ATF7IP2: variants seen among roughly 807,000 people sequenced by gnomAD.
ATF7IP2 encodes activating transcription factor 7 interacting protein 2.
ATF7IP2 carries 42 observed loss-of-function variants against 64.2 expected under a neutral mutation model. That is an observed-to-expected ratio of 0.65 (90% CI 0.51 to 0.85). ATF7IP2 has a LOEUF of 0.85. ATF7IP2 is among the 40% of genes least tolerant of loss of function. The pLI is 0.00. For synonymous variants in ATF7IP2, 308 were observed against 272.8 expected, an observed-to-expected ratio of 1.13 and a Z score of -1.27; for missense variants, 933 against 784.2, an observed-to-expected ratio of 1.19 and a Z score of -2.27.
chr16:10,479,541 A>T (rs1259082762), intron 12 of ATF7IP2, among the ~76,000 whole-genome samples: 2 of 152,048 alleles, frequency 1.3e-5, no homozygotes, highest in Non-Finnish European at 2.9e-5. Context: ...TAGGAGATAT[A>T]CCTAATGCTA....
At chr16:10,480,803 G>GTAAAC in intron 12 of ATF7IP2, 76 bp from the exon 13 acceptor site, 1 of 970,442 alleles carries the variant, frequency 1.0e-6, no homozygotes, top group Admixed American at 1.9e-5. Flanking sequence ...CACCAAAGAT[G>GTAAAC]TAAACTATAG....
chr16:10,428,386 A>G (rs2048135267), intron 3 of ATF7IP2, among the ~76,000 whole-genome samples: 1 of 152,240 alleles, frequency 6.6e-6, no homozygotes, highest in African/African-American at 2.4e-5. Flanking sequence ...TAGAAGGGCC[A>G]TAGTAACAAT....
At chr16:10,432,838 A>G (rs1033518635) in intron 5 of ATF7IP2, among the ~76,000 whole-genome samples, 9 of 152,100 alleles carry the variant, frequency 5.9e-5, no homozygotes, top group Admixed American at 5.9e-4. Context: ...AGATCGTGCC[A>G]CTTCACTCTT....
At chr16:10,442,519 G>C (rs956758397) in intron 8 of ATF7IP2, among the ~76,000 whole-genome samples, 5 of 152,132 alleles carry the variant, frequency 3.3e-5, no homozygotes, top group African/African-American at 1.2e-4. Flanking sequence ...ATAATTGCAA[G>C]GGAAGTAAAA....
intron 6 of ATF7IP2, 50 bp from the exon 7 acceptor site, chr16:10,438,051 C>T (rs761103765): frequency 7.0e-7 from 1 of 1,422,484 alleles, no homozygotes; most frequent in Non-Finnish European, 9.3e-7. Flanking sequence ...AGTAAAATTG[C>T]TTTTAAATTT....
At position 10,426,852 on chromosome 16, in the gene ATF7IP2, T is replaced by G. The variant is rs144067350; in HGVS notation, c.-159-2016T>G. On this transcript the variant is annotated intron_variant, in intron 3 of 13. Coordinates refer to ENST00000562102, the MANE Select transcript of ATF7IP2 (RefSeq NM_001393719.1). ...ATATGTTTTTGGTTTTTGGTTTTTT[T>G]TTGTTGTTGTTTTTTTTTAAGACAG... Among the ~76,000 whole-genome samples the G allele has an allele frequency of 3.7e-3, 570 of 152,198 alleles. 5 individuals carry two copies. Among genetic ancestry groups the G allele is most frequent in the African/African-American group, 0.012 (499 of 41,534 alleles).
At chr16:10,473,637 T>A (rs2049889629) in intron 11 of ATF7IP2, 103 bp downstream of exon 11, 1 of 839,580 alleles carries the variant, frequency 1.2e-6, no homozygotes, top group Non-Finnish European at 1.9e-6. Context: ...TAGTCCACGT[T>A]ACACACTGAA....
At chr16:10,407,084 C>T (rs1011824341) in intron 1 of ATF7IP2, among the ~76,000 whole-genome samples, 2 of 152,176 alleles carry the variant, frequency 1.3e-5, no homozygotes, top group African/African-American at 4.8e-5. Context: ...CATGTGCTAG[C>T]TATCAATGTG....
chr16:10,475,039 C>G (rs1362455373), intron 12 of ATF7IP2, among the ~76,000 whole-genome samples: 1 of 151,980 alleles, frequency 6.6e-6, no homozygotes, highest in Non-Finnish European at 1.5e-5. Flanking sequence ...ATAAATAAAG[C>G]AAAATTAAAA....
In ATF7IP2 at chr16:10,473,958, G is replaced by A; in HGVS notation, c.1518G>A (p.Leu506=). 2 of 1,479,304 alleles carry A rather than the reference G, an allele frequency of 1.4e-6. No individual in the cohort carries two copies. The highest frequency in any genetic ancestry group is 5.3e-5 in the East Asian group (2 of 37,744). 91.6% of individuals were successfully genotyped at this position (1,479,304 alleles called of 1,614,324 possible). A position where few individuals can be genotyped will look rare whatever the true frequency, so the allele number is the denominator to read the frequency against. Residue 506 remains leucine, a synonymous_variant, in exon 12 of 14, where the codon TTG becomes TTA. Coordinates refer to ENST00000562102, the MANE Select transcript of ATF7IP2 (RefSeq NM_001393719.1). ...VQKKLDSIID[L]TKEGLSNCNT... is the part of the protein sequence containing the mutation. ...AGAAACTTGATTCTATAATTGATTTGACAAAAGAAGGCCTATCCAACTGCA... is the reference window on the plus strand; with the variant it reads ...AGAAACTTGATTCTATAATTGATTTAACAAAAGAAGGCCTATCCAACTGCA...
At chr16:10,401,919 G>C (rs540673183) in intron 1 of ATF7IP2, among the ~76,000 whole-genome samples, 1 of 152,036 alleles carries the variant, frequency 6.6e-6, no homozygotes, top group South Asian at 2.1e-4. Context: ...AATAGTCTCT[G>C]TTGTTGTTTT....
intron 5 of ATF7IP2, among the ~76,000 whole-genome samples, chr16:10,431,965 A>G (rs1236985250): frequency 6.7e-6 from 1 of 150,296 alleles, no homozygotes; most frequent in Non-Finnish European, 1.5e-5. Context: ...GTGGGATTAC[A>G]GATGGGCACC....
At chr16:10,469,042 C>A (rs975853435) in intron 9 of ATF7IP2, among the ~76,000 whole-genome samples, 3 of 152,156 alleles carry the variant, frequency 2.0e-5, no homozygotes, top group Admixed American at 1.3e-4. Flanking sequence ...GTCTAACACT[C>A]TTCTGAAGAA....
intron 4 of ATF7IP2, among the ~76,000 whole-genome samples, chr16:10,429,335 G>A (rs1227930962): frequency 6.6e-6 from 1 of 152,066 alleles, no homozygotes; most frequent in African/African-American, 2.4e-5. Flanking sequence ...GATTTATTTA[G>A]TATATATATC....
chr16:10,457,305 A>T (rs1293313280), intron 8 of ATF7IP2, 67 bp from the exon 9 acceptor site: 4 of 1,389,722 alleles, frequency 2.9e-6, no homozygotes, highest in Non-Finnish European at 3.9e-6. Context: ...TGAAAATGCT[A>T]ATTTTGTTTG....
chr16:10,389,249 T>C (rs1004844421), intron 1 of ATF7IP2, among the ~76,000 whole-genome samples: 2 of 152,136 alleles, frequency 1.3e-5, no homozygotes. Context: ...GTAGTCATGG[T>C]AGTCTATCTG....
chr16:10,394,464 G>A (rs2047386011), intron 1 of ATF7IP2, among the ~76,000 whole-genome samples: 1 of 152,178 alleles, frequency 6.6e-6, no homozygotes, highest in Non-Finnish European at 1.5e-5. Context: ...CTGTCATAAT[G>A]GATAGAAAAC....
Position 10,431,152 on chromosome 16 carries a change from G to T in ATF7IP2, c.532G>T (p.Val178Phe), listed in dbSNP as rs2048234880. The T allele has an allele frequency of 1.2e-6, 2 of 1,614,062 alleles. No individual in the cohort carries two copies. The highest frequency in any genetic ancestry group is 2.7e-5 in the African/African-American group (2 of 75,046). ...TCCACCCAGTGTATTGAGTGGTGTT[G>T]TTCAGATGCCAGAGTCTACAGTAAC... ...CCPPSVLSGVVQMPESTVTST... is the reference protein window; with the variant it reads ...CCPPSVLSGVFQMPESTVTST... Residue 178 changes from valine (V) to phenylalanine (F), a missense_variant, in exon 5 of 14, where the codon GTT (valine) becomes TTT (phenylalanine). Physicochemically the swap from Val to Phe is conservative, Grantham distance 50. Transcript: ENST00000562102.
At chr16:10,428,228 C>T (rs943216032) in intron 3 of ATF7IP2, among the ~76,000 whole-genome samples, 1 of 152,100 alleles carries the variant, frequency 6.6e-6, no homozygotes, top group Non-Finnish European at 1.5e-5. Context: ...TTATTTGTTG[C>T]AGGTGTTTCA....
Sources: allele counts gnomAD v4.1 joint callset (sites outside exome capture counted in the v4.1 genomes callset), GRCh38; gene constraint gnomAD v4.1.1; transcripts MANE v1.5; gene names NCBI Gene and HGNC (gene_info 2026-07-23, HGNC 2026-07-21).